TNS1: variants seen among roughly 807,000 people sequenced by gnomAD.
TNS1 encodes the protein tensin 1.
A neutral mutation model predicts 168.6 loss-of-function variants in TNS1; 62 were observed. The observed-to-expected ratio is 0.37, with a 90% CI of 0.30 to 0.45. TNS1 has a LOEUF of 0.45. TNS1 is among the 20% of genes least tolerant of loss of function. TNS1 has a pLI of 1.00. For missense variants in TNS1, 2,240 were observed against 2,339.4 expected (o/e 0.96, Z 0.88); for synonymous variants, 934 against 933.2 (o/e 1.00, Z -0.02).
chr2:218,005,180 G>T (rs997491977), upstream of TNS1, among the ~76,000 whole-genome samples: 1 of 152,238 alleles, frequency 6.6e-6, no homozygotes, highest in Admixed American at 6.5e-5. Context: ...CACTGCTGGC[G>T]TCACTGAAGA....
chr2:217,906,786 T>C (rs1053911030), intron 5 of TNS1, among the ~76,000 whole-genome samples: 3 of 152,176 alleles, frequency 2.0e-5, no homozygotes, highest in Admixed American at 1.3e-4. Flanking sequence ...AGTTTCCCCA[T>C]GGCAGAACCC....
At chr2:218,011,067 G>A (rs1180957510), upstream of TNS1, among the ~76,000 whole-genome samples, 2 of 152,194 alleles carry the variant, frequency 1.3e-5, no homozygotes, top group African/African-American at 4.8e-5. Context: ...GGAGAGAGGA[G>A]AGCTGGACCA....
chr2:217,966,300 TGTGTGTGTGC>T (rs1488769841), intron 3 of TNS1, among the ~76,000 whole-genome samples: 143 of 142,262 alleles, frequency 1.0e-3, no homozygotes, highest in African/African-American at 4.0e-3. Flanking sequence ...TGTGTGTGTG[TGTGTGTGTGC>T]GCGCGCGCGC....
chr2:217,851,672 C>A (rs531143947), intron 18 of TNS1, among the ~76,000 whole-genome samples: 42 of 152,322 alleles, frequency 2.8e-4, no homozygotes, highest in African/African-American at 8.7e-4. Flanking sequence ...CATTCTGAAT[C>A]TCCACCAACC....
Position 217,818,090 on chromosome 2 carries a change from C to G in TNS1, c.4242G>C (p.Val1414=). 6.2e-7 allele frequency: 1 copy of G among 1,613,616 alleles called. No homozygotes were observed. The highest frequency in any genetic ancestry group is 8.5e-7 in the Non-Finnish European group (1 of 1,179,844). ...GGTCCAAGCAGGGGCTGCCGGGAAC[C>G]ACAGATCCAGACCCTCCGAGGTGAC... ...LGRHLGGSGS[V]VPGSPCLDRH... is the part of the protein sequence containing the mutation. The change falls in exon 24 of 33, where the codon GTG becomes GTC. Residue 1414 remains valine (V), a synonymous_variant. Coordinates refer to ENST00000682258, the MANE Select transcript of TNS1 (RefSeq NM_001387777.1).
chr2:217,835,213 G>C (rs1231780729), intron 20 of TNS1, 47 bp from the exon 21 acceptor site: 2 of 1,563,530 alleles, frequency 1.3e-6, no homozygotes, highest in Non-Finnish European at 1.7e-6. Flanking sequence ...ATGAGAAGGA[G>C]AGATTTCCCC....
chr2:217,808,240 TC>T, intron 31 of TNS1, 133 bp from the exon 32 acceptor site: 2 of 1,022,802 alleles, frequency 2.0e-6, no homozygotes, highest in Non-Finnish European at 2.9e-6. Flanking sequence ...ATTCCCCCAT[TC>T]CCCCATTCCC....
In TNS1 at chr2:217,998,221, G is replaced by GTCTCTCTCTCTCTC. The variant is rs60663810; in HGVS notation, c.33+4605_33+4618dup. On this transcript the variant is annotated intron_variant, in intron 1 of 32. Coordinates refer to ENST00000682258, the MANE Select transcript of TNS1 (RefSeq NM_001387777.1). ...AGATAGATGAGTTCTCTCCATCAGT[G>GTCTCTCTCTCTCTC]TCTCTCTCTCTCTCTCTCTCTCTCC... 1.7e-3 allele frequency among the ~76,000 whole-genome samples: 247 copies of GTCTCTCTCTCTCTC among 149,560 alleles called. 1 individual carries two copies. Among genetic ancestry groups the GTCTCTCTCTCTCTC allele is most frequent in the African/African-American group, 4.0e-3 (162 of 40,486 alleles).
intron 22 of TNS1, chr2:217,830,361 A>G: frequency 6.2e-7 from 1 of 1,614,112 alleles, no homozygotes; most frequent in Non-Finnish European, 8.5e-7. Context: ...GCCACTGCCC[A>G]CCTACCTGGC....
rs374190330 is a variant in TNS1 at position 217,886,954 on chromosome 2, C to G, written c.867-308G>C. On this transcript the variant is annotated intron_variant, in intron 12 of 32. Transcript: ENST00000682258. ...TCTCTTTCCTGCTTCACTCCCAGCC[C>G]GAGAATCTCCTGCTGGACCAAAATT... is the stretch of plus-strand genomic sequence containing the variant. 7.9e-5 allele frequency among the ~76,000 whole-genome samples: 12 copies of G among 152,240 alleles called. No individual in the cohort carries two copies. The East Asian group carries it at 1.4e-3, about 17-fold the overall frequency.
At chr2:217,984,399 A>G (rs1370979657) in intron 2 of TNS1, among the ~76,000 whole-genome samples, 1 of 151,748 alleles carries the variant, frequency 6.6e-6, no homozygotes, top group East Asian at 1.9e-4. Flanking sequence ...AAATTCGTAA[A>G]TTTCTTAAAA....
At chr2:217,866,229 C>G (rs1949259134) in intron 18 of TNS1, among the ~76,000 whole-genome samples, 1 of 152,226 alleles carries the variant, frequency 6.6e-6, no homozygotes, top group African/African-American at 2.4e-5. Flanking sequence ...AGCCAGAATT[C>G]TAAGGGGTGA....
chr2:218,022,835 T>C (rs1337802329), intron 1 of TNS1, among the ~76,000 whole-genome samples: 1 of 141,964 alleles, frequency 7.0e-6, no homozygotes, highest in Admixed American at 7.0e-5. Flanking sequence ...CTGTCAGGGG[T>C]GGGGAGAAAG....
At chr2:217,966,980 A>T (rs977981127) in intron 3 of TNS1, among the ~76,000 whole-genome samples, 6 of 152,216 alleles carry the variant, frequency 3.9e-5, no homozygotes, top group Non-Finnish European at 8.8e-5. Context: ...TCAAGGATTA[A>T]ATGAGAAGAG....
intron 32 of TNS1, among the ~76,000 whole-genome samples, chr2:217,806,837 C>A (rs544930267): frequency 6.6e-6 from 1 of 152,380 alleles, no homozygotes; most frequent in Non-Finnish European, 1.5e-5. Flanking sequence ...ATATATACCA[C>A]CTCCCCATGT....
chr2:217,885,899 T>A (rs780093817), intron 14 of TNS1, 80 bp from the exon 15 acceptor site: 35 of 1,553,888 alleles, frequency 2.3e-5, no homozygotes, highest in Non-Finnish European at 3.1e-5. Context: ...CTGCTGCCCC[T>A]ACGCCACAGG....
intron 3 of TNS1, among the ~76,000 whole-genome samples, chr2:217,962,260 A>G (rs1229842180): frequency 9.2e-5 from 14 of 152,220 alleles, no homozygotes; most frequent in Admixed American, 8.5e-4. Flanking sequence ...CCTGACCAAC[A>G]TGGAGAAACC....
intron 32 of TNS1, among the ~76,000 whole-genome samples, chr2:217,805,477 ACACACACCACACACACAC>A (rs1938420679): frequency 1.9e-3 from 63 of 33,854 alleles, no homozygotes; most frequent in Admixed American, 2.8e-3. Context: ...CACACACACC[ACACACACCACACACACAC>A]CACACACACC....
At chr2:217,980,283 C>T (rs1958009629) in intron 2 of TNS1, among the ~76,000 whole-genome samples, 1 of 152,164 alleles carries the variant, frequency 6.6e-6, no homozygotes, top group Non-Finnish European at 1.5e-5. Flanking sequence ...CACTCAGCCA[C>T]ACAAGCGTTA....
Sources: allele counts gnomAD v4.1 joint callset (sites outside exome capture counted in the v4.1 genomes callset), GRCh38; gene constraint gnomAD v4.1.1; transcripts MANE v1.5; gene names NCBI Gene and HGNC (gene_info 2026-07-23, HGNC 2026-07-21).